Variants in PHYHIPL observed in about 807,000 individuals in gnomAD.
PHYHIPL encodes the protein phytanoyl-CoA hydroxylase-interacting protein-like.
PHYHIPL carries 9 observed loss-of-function variants against 33.4 expected under a neutral mutation model. The observed-to-expected ratio is 0.27, with a 90% CI of 0.16 to 0.47. The LOEUF is 0.47. Ranked by LOEUF, PHYHIPL falls within the 20% of genes least tolerant of loss-of-function variation. The pLI is 0.99. For synonymous variants in PHYHIPL, 153 were observed against 154.1 expected (o/e 0.99, Z 0.05); for missense variants, 365 against 460.7 (o/e 0.79, Z 1.90).
chr10:59,247,735 C>G lies in PHYHIPL; in HGVS notation c.*2144C>G. 3.1e-6 allele frequency: 5 copies of G among 1,607,982 alleles called. No individual in the cohort carries two copies. The highest frequency in any genetic ancestry group is 4.2e-6 in the Non-Finnish European group (5 of 1,177,754). On this transcript the variant is annotated 3_prime_UTR_variant, in exon 5 of 5. Transcript: ENST00000373880. ...TGGTATCCTATCTTCCTTTTGTGGA[C>G]TTCTGCAAAACAAAAATACATTTGT...
rs143976880 is a variant in PHYHIPL at position 59,238,034 on chromosome 10, G to A, written c.479-554G>A. On this transcript the variant is annotated intron_variant, in intron 3 of 4. Coordinates refer to ENST00000373880, the MANE Select transcript of PHYHIPL (RefSeq NM_032439.4). ...TAGAAATTCTTACTAATCTTTATAG[G>A]CCAAAATGTTTCCCTAGTTTCTGGT... 4.3e-4 allele frequency among the ~76,000 whole-genome samples: 66 copies of A among 151,756 alleles called. 1 individual carries two copies. The East Asian group carries it at 0.011, about 26-fold the overall frequency.
chr10:59,241,274 T>C (rs2893798), intron 4 of PHYHIPL, among the ~76,000 whole-genome samples: 148,789 of 152,208 alleles, frequency 0.98, 72,763 homozygotes, highest in Middle Eastern at 1. Context: ...AGGAAACTTT[T>C]AATTACTGGA....
chr10:59,187,037 G>T (rs1050195339), intron 1 of PHYHIPL, among the ~76,000 whole-genome samples: 23 of 152,158 alleles, frequency 1.5e-4, no homozygotes, highest in Non-Finnish European at 3.2e-4. Context: ...TCCCTGTCTT[G>T]TACCAGTTTT....
chr10:59,226,207 G>C (rs1461875426), intron 1 of PHYHIPL, among the ~76,000 whole-genome samples: 1 of 152,066 alleles, frequency 6.6e-6, no homozygotes, highest in Non-Finnish European at 1.5e-5. Flanking sequence ...TAGTAGCAAA[G>C]AGTGGAAGCC....
chr10:59,217,236 T>G (rs1839642710), intron 1 of PHYHIPL, among the ~76,000 whole-genome samples: 3 of 152,126 alleles, frequency 2.0e-5, no homozygotes, highest in African/African-American at 7.2e-5. Context: ...TCTTTATATT[T>G]AAGAAGATAG....
chr10:59,188,847 A>G (rs1485864794), intron 1 of PHYHIPL, among the ~76,000 whole-genome samples: 1 of 151,710 alleles, frequency 6.6e-6, no homozygotes, highest in Non-Finnish European at 1.5e-5. Context: ...CTTTATTTTG[A>G]GCCTATGTGT....
At chr10:59,187,951 G>A (rs554926388) in intron 1 of PHYHIPL, among the ~76,000 whole-genome samples, 1 of 152,022 alleles carries the variant, frequency 6.6e-6, no homozygotes, top group Non-Finnish European at 1.5e-5. Context: ...AGGGTTTTTT[G>A]TGTCTCTATC....
chr10:59,235,038 T>C (rs1362122969), intron 2 of PHYHIPL, among the ~76,000 whole-genome samples: 2 of 151,878 alleles, frequency 1.3e-5, no homozygotes, highest in Non-Finnish European at 2.9e-5. Context: ...GGGTGCTATG[T>C]GCAATGCATA....
chr10:59,202,279 C>T (rs1489131376), intron 1 of PHYHIPL, among the ~76,000 whole-genome samples: 1 of 152,002 alleles, frequency 6.6e-6, no homozygotes, highest in African/African-American at 2.4e-5. Context: ...AAGCCCATCC[C>T]CCACCGTTAT....
chr10:59,202,166 C>T (rs1839137933), intron 1 of PHYHIPL, among the ~76,000 whole-genome samples: 3 of 151,938 alleles, frequency 2.0e-5, no homozygotes, highest in Admixed American at 2.0e-4. Flanking sequence ...GAAAATATGC[C>T]AGGTCTTGAA....
intron 1 of PHYHIPL, among the ~76,000 whole-genome samples, chr10:59,224,098 G>C (rs909127011): frequency 3.0e-4 from 46 of 152,222 alleles, no homozygotes; most frequent in Admixed American, 9.8e-4. Flanking sequence ...TATATATCAT[G>C]CTCTCTCCCA....
Position 59,234,337 on chromosome 10 carries a change from T to C in PHYHIPL, c.140T>C (p.Met47Thr). 7.5e-6 allele frequency: 12 copies of C among 1,594,998 alleles called. No homozygotes were observed. Among genetic ancestry groups the C allele is most frequent in the Non-Finnish European group, 9.4e-6 (11 of 1,173,756 alleles). The stretch of plus-strand genomic sequence containing the variant: ...TCACAAGACAGTGGCATAGCAGAGA[T>C]GGAAGAACTTCCTGTACCACATAAC... ...NKSQDSGIAE[M>T]EELPVPHNIK... The change falls in exon 2 of 5, where the codon ATG (methionine) becomes ACG (threonine). Residue 47 changes from methionine to threonine, a missense_variant. This residue lies in a region of PHYHIPL where 89 missense variants were observed against 78.3 expected (regional missense o/e 1.14). Coordinates refer to ENST00000373880, the MANE Select transcript of PHYHIPL (RefSeq NM_032439.4).
intron 1 of PHYHIPL, among the ~76,000 whole-genome samples, chr10:59,181,237 T>C (rs1004868730): frequency 6.6e-6 from 1 of 152,206 alleles, no homozygotes; most frequent in Non-Finnish European, 1.5e-5. Flanking sequence ...ACGTAACTTC[T>C]TGAATTGAAC....
intron 1 of PHYHIPL, among the ~76,000 whole-genome samples, chr10:59,188,198 T>C (rs1838671869): frequency 6.6e-6 from 1 of 152,232 alleles, no homozygotes; most frequent in African/African-American, 2.4e-5. Context: ...AGAACATCTT[T>C]ATTTCTGCCT....
At chr10:59,245,011 T>G (rs753023804) in intron 4 of PHYHIPL, 46 bp from the exon 5 acceptor site, 3 of 1,542,956 alleles carry the variant, frequency 1.9e-6, no homozygotes, top group Non-Finnish European at 2.6e-6. Context: ...AATCAGTGGG[T>G]TTACCACTAT....
intron 1 of PHYHIPL, among the ~76,000 whole-genome samples, chr10:59,187,548 T>C (rs1172855350): frequency 2.6e-5 from 4 of 152,216 alleles, no homozygotes; most frequent in African/African-American, 7.2e-5. Flanking sequence ...TGGTACCAGC[T>C]CCTGCTTGTA....
intron 1 of PHYHIPL, among the ~76,000 whole-genome samples, chr10:59,190,281 G>A (rs1010946029): frequency 6.6e-6 from 1 of 151,830 alleles, no homozygotes. Flanking sequence ...GTGGCAAATT[G>A]TAATGTTTTT....
chr10:59,178,986 T>C (rs1838328007), intron 1 of PHYHIPL, among the ~76,000 whole-genome samples: 2 of 152,156 alleles, frequency 1.3e-5, no homozygotes, highest in African/African-American at 4.8e-5. Context: ...TATAAAATAG[T>C]ATACACCAAC....
chr10:59,243,426 A>T (rs934969267), intron 4 of PHYHIPL, among the ~76,000 whole-genome samples: 2 of 152,184 alleles, frequency 1.3e-5, no homozygotes, highest in Admixed American at 6.5e-5. Flanking sequence ...AAAAGAAGGA[A>T]ACCTGGAACA....
Sources: gnomAD v4.1 joint callset for allele counts (sites outside exome capture counted in the v4.1 genomes callset) on GRCh38, gnomAD v4.1.1 for gene constraint, gnomAD v4.1.1 regional missense constraint, MANE v1.5 for transcripts, NCBI Gene and HGNC (gene_info 2026-07-23, HGNC 2026-07-21) for gene names.